Variants in KMT2C observed in about 807,000 individuals in gnomAD.
KMT2C encodes histone-lysine N-methyltransferase 2C.
Under a neutral mutation model 507.9 loss-of-function variants are expected in KMT2C, and 88 were observed. The observed-to-expected ratio is 0.17, with a 90% confidence interval of 0.15 to 0.21. The LOEUF (loss-of-function observed/expected upper bound fraction) is 0.21. Among genes scored for constraint, KMT2C ranks in the 10% least tolerant of loss-of-function variants. The pLI is 1.00. For missense variants in KMT2C, 4,954 were observed against 5,957.8 expected (o/e 0.83, Z 5.55); for synonymous variants, 2,049 against 2,080.8 (o/e 0.98, Z 0.42).
At chr7:152,141,712 C>CAAAAAAAAAAAAAAAA (rs1249621681) in intron 55 of KMT2C, among the ~76,000 whole-genome samples, 1 of 61,872 alleles carries the variant, frequency 1.6e-5, no homozygotes, top group African/African-American at 5.8e-5. Context: ...GACTCTGTCT[C>CAAAAAAAAAAAAAAAA]AAAAAAAAAA....
intron 1 of KMT2C, among the ~76,000 whole-genome samples, chr7:152,383,221 T>C (rs1294426207): frequency 2.0e-5 from 3 of 152,272 alleles, no homozygotes; most frequent in African/African-American, 7.2e-5. Flanking sequence ...AATATTTTTA[T>C]TTTCTGTTGT....
intron 6 of KMT2C, among the ~76,000 whole-genome samples, chr7:152,293,931 G>A (rs569828424): frequency 6.6e-6 from 1 of 151,966 alleles, no homozygotes; most frequent in East Asian, 1.9e-4. Context: ...AATCTCAGCT[G>A]ACTGCAACCT....
chr7:152,394,996 C>A (rs1486808546), intron 1 of KMT2C, among the ~76,000 whole-genome samples: 1 of 151,896 alleles, frequency 6.6e-6, no homozygotes, highest in East Asian at 1.9e-4. Context: ...CTGCAAAGTA[C>A]CCGAAATAGG....
chr7:152,147,904 G>C (rs2091299991), intron 52 of KMT2C, 129 bp downstream of exon 52: 1 of 1,016,436 alleles, frequency 9.8e-7, no homozygotes, highest in South Asian at 2.0e-5. Context: ...ATTGGCATTT[G>C]TAAATGAAAA....
At chr7:152,255,367 T>G (rs1205932528) in intron 9 of KMT2C, among the ~76,000 whole-genome samples, 1 of 151,612 alleles carries the variant, frequency 6.6e-6, no homozygotes, top group South Asian at 2.1e-4. Flanking sequence ...AGTTTCACCA[T>G]ATTGCCCAGG....
chr7:152,386,365 C>T (rs2097426552), intron 1 of KMT2C, among the ~76,000 whole-genome samples: 1 of 152,296 alleles, frequency 6.6e-6, no homozygotes, highest in Non-Finnish European at 1.5e-5. Context: ...GAAAGAAACA[C>T]GGACCTGGAG....
At chr7:152,139,076 T>C in intron 57 of KMT2C, 110 bp downstream of exon 57, 1 of 1,102,162 alleles carries the variant, frequency 9.1e-7, no homozygotes, top group Non-Finnish European at 1.4e-6. Context: ...TCTGAATGTT[T>C]AGTCACCGCC....
Position 152,176,892 on chromosome 7 carries a change from G to A in KMT2C, c.8561C>T (p.Ser2854Leu), listed in dbSNP as rs2129113825. Residue 2854 changes from serine to leucine, a missense_variant, in exon 38 of 59, where the codon TCA becomes TTA. Physicochemically the swap from Ser to Leu is moderately radical, Grantham distance 145. This residue lies in a region of KMT2C where 1,689 missense variants were observed against 1,654.3 expected (regional missense o/e 1.02). Coordinates refer to ENST00000262189, the MANE Select transcript of KMT2C (RefSeq NM_170606.3). ...TAGGTCTGAGTGAGCAGAAGCCTGT[G>A]AGCAAGGAGTGTCAACATTATCTTT... The part of the protein sequence containing the change: ...ENKDNVDTPC[S>L]QASAHSDLND... 6.2e-7 allele frequency: 1 copy of A among 1,614,170 alleles called. No homozygotes were observed. The highest frequency in any genetic ancestry group is 8.5e-7 in the Non-Finnish European group (1 of 1,180,016).
chr7:152,433,403 G>A (rs568085297), intron 1 of KMT2C, among the ~76,000 whole-genome samples: 1 of 144,004 alleles, frequency 6.9e-6, no homozygotes, highest in African/African-American at 2.7e-5. Flanking sequence ...TTCTTATACA[G>A]TATAGAGATA....
chr7:152,382,182 C>CTCTGG (rs2097380111), intron 1 of KMT2C, among the ~76,000 whole-genome samples: 15 of 152,158 alleles, frequency 9.9e-5, no homozygotes, highest in Non-Finnish European at 1.5e-4. Flanking sequence ...ACATAAACAA[C>CTCTGG]CTTTCCAGAT....
At chr7:152,285,693 TAG>T (rs987077129) in intron 6 of KMT2C, among the ~76,000 whole-genome samples, 2 of 152,196 alleles carry the variant, frequency 1.3e-5, no homozygotes, top group African/African-American at 4.8e-5. Flanking sequence ...TATATTTAAA[TAG>T]AGTTTCAGTC....
chr7:152,198,287 T>C (rs150464088), intron 27 of KMT2C, among the ~76,000 whole-genome samples: 6 of 152,338 alleles, frequency 3.9e-5, no homozygotes, highest in African/African-American at 1.4e-4. Context: ...GTAAGATTGC[T>C]TCTAATTATT....
Position 152,248,604 on chromosome 7 carries a change from T to C in KMT2C, c.1830A>G (p.Thr610=), listed in dbSNP as rs758043340. The C allele has an allele frequency of 3.7e-6, 6 of 1,609,222 alleles. No homozygotes were observed. Among genetic ancestry groups the C allele is most frequent in the South Asian group, 3.3e-5 (3 of 90,772 alleles). ...TCTGTTTTTCCAATTCAGTATTCACTGTATGTTGGGATGATACTACAAAAT... is the reference window on the plus strand; with the variant it reads ...TCTGTTTTTCCAATTCAGTATTCACCGTATGTTGGGATGATACTACAAAAT... ...SLLIAVSSQH[T]VNTELEKQIS... Residue 610 remains threonine (T), a synonymous_variant, in exon 14 of 59, where the codon ACA becomes ACG. Coordinates refer to ENST00000262189, the MANE Select transcript of KMT2C (RefSeq NM_170606.3).
rs547319100 is a variant in KMT2C, at chr7:152,311,220, T to G, written c.739+578A>C. Among the ~76,000 whole-genome samples the G allele has an allele frequency of 7.2e-5, 11 of 152,312 alleles. No homozygotes were observed. The South Asian group carries it at 2.1e-3, about 29-fold the overall frequency. On this transcript the variant is annotated intron_variant, in intron 5 of 58. Coordinates refer to ENST00000262189, the MANE Select transcript of KMT2C (RefSeq NM_170606.3). ...AAATGTATAGAAAATAAACTACACA[T>G]ACACCTCTACTTCCCTCATCCCACA...
chr7:152,352,159 G>C (rs750492675), intron 2 of KMT2C, among the ~76,000 whole-genome samples: 6 of 152,168 alleles, frequency 3.9e-5, no homozygotes, highest in African/African-American at 9.7e-5. Flanking sequence ...CTTGGGTGCG[G>C]CTGTCTTTTA....
intron 31 of KMT2C, among the ~76,000 whole-genome samples, chr7:152,192,887 A>G (rs1314196625): frequency 3.3e-5 from 5 of 152,182 alleles, no homozygotes; most frequent in South Asian, 2.1e-4. Context: ...TCAGAAATAT[A>G]TACTAGCTGC....
chr7:152,404,915 A>G (rs932143514), intron 1 of KMT2C, among the ~76,000 whole-genome samples: 155 of 134,660 alleles, frequency 1.2e-3, no homozygotes, highest in Middle Eastern at 4.0e-3. Flanking sequence ...CAGTGGCACA[A>G]TCTCAGCTCA....
chr7:152,215,527 A>G (rs1009397238), intron 23 of KMT2C, among the ~76,000 whole-genome samples: 3 of 149,078 alleles, frequency 2.0e-5, no homozygotes, highest in Non-Finnish European at 4.5e-5. Flanking sequence ...AAAAAAAAAA[A>G]AAAAAAAAAA....
intron 31 of KMT2C, among the ~76,000 whole-genome samples, chr7:152,192,072 A>G (rs1227555256): frequency 6.6e-6 from 1 of 152,070 alleles, no homozygotes; most frequent in African/African-American, 2.4e-5. Flanking sequence ...CATCCTCCCA[A>G]GACCTTTTAA....
Sources: allele counts gnomAD v4.1 joint callset (sites outside exome capture counted in the v4.1 genomes callset), GRCh38; gene constraint gnomAD v4.1.1; regional missense constraint gnomAD v4.1.1; transcripts MANE v1.5; gene names NCBI Gene and HGNC (gene_info 2026-07-23, HGNC 2026-07-21).